The following NCAM2 variants were observed in gnomAD, a reference collection of about 807,000 sequenced individuals.
NCAM2 encodes the protein neural cell adhesion molecule 2.
In NCAM2, 30 loss-of-function variants were observed where a neutral mutation model predicts 98.1. That is an observed-to-expected ratio of 0.31 (90% CI 0.23 to 0.41). NCAM2 has a LOEUF of 0.41. Among genes scored for constraint, NCAM2 ranks in the 10% least tolerant of loss-of-function variants. The pLI, the probability that NCAM2 is intolerant of heterozygous loss-of-function variation, is 1.00. For synonymous variants in NCAM2, 368 were observed against 342.4 expected, an observed-to-expected ratio of 1.07 and a Z score of -0.83; for missense variants, 867 against 1,005.8, an observed-to-expected ratio of 0.86 and a Z score of 1.87.
intron 1 of NCAM2, among the ~76,000 whole-genome samples, chr21:21,160,202 A>T (rs1385383805): frequency 1.3e-5 from 2 of 152,096 alleles, no homozygotes; most frequent in African/African-American, 4.8e-5. Context: ...TGTGGACATC[A>T]TGTGGACAAA....
chr21:21,492,865 A>G (rs1040132659), intron 15 of NCAM2, among the ~76,000 whole-genome samples: 7 of 151,964 alleles, frequency 4.6e-5, no homozygotes, highest in Admixed American at 1.3e-4. Flanking sequence ...TAAAAAATAA[A>G]TTATCTTCAA....
At chr21:21,358,548 C>T (rs186522287) in intron 8 of NCAM2, among the ~76,000 whole-genome samples, 97 of 152,028 alleles carry the variant, frequency 6.4e-4, no homozygotes, top group African/African-American at 2.2e-3. Flanking sequence ...AAAATTATTA[C>T]GGTTTTGATA....
intron 1 of NCAM2, among the ~76,000 whole-genome samples, chr21:21,192,115 C>T (rs1486147584): frequency 1.3e-5 from 2 of 151,992 alleles, no homozygotes; most frequent in East Asian, 1.9e-4. Flanking sequence ...CCCAGCTACC[C>T]GGTAGGCTGA....
intron 1 of NCAM2, among the ~76,000 whole-genome samples, chr21:21,160,182 A>G (rs2146772782): frequency 6.6e-6 from 1 of 152,202 alleles, no homozygotes; most frequent in South Asian, 2.1e-4. Context: ...CAGTATAAAT[A>G]TTTTCAGCGT....
intron 15 of NCAM2, among the ~76,000 whole-genome samples, chr21:21,496,057 A>T (rs1987212194): frequency 6.7e-6 from 1 of 150,126 alleles, no homozygotes. Context: ...CCTTTAACAA[A>T]GTACAGCACA....
At chr21:21,038,781 C>T (rs1222364353) in intron 1 of NCAM2, among the ~76,000 whole-genome samples, 1 of 152,134 alleles carries the variant, frequency 6.6e-6, no homozygotes, top group African/African-American at 2.4e-5. Context: ...TTCATCAAAT[C>T]CCATTTGACT....
intron 1 of NCAM2, among the ~76,000 whole-genome samples, chr21:21,031,771 C>T (rs1347922496): frequency 2.0e-5 from 3 of 150,598 alleles, no homozygotes; most frequent in Non-Finnish European, 4.4e-5. Flanking sequence ...TTGTCTCTCT[C>T]GATATATCTC....
chr21:21,164,283 A>G (rs992011284), intron 1 of NCAM2, among the ~76,000 whole-genome samples: 2 of 152,206 alleles, frequency 1.3e-5, no homozygotes, highest in African/African-American at 4.8e-5. Context: ...TATCTTGAAA[A>G]TAGAGTATTA....
chr21:21,012,166 C>A lies in NCAM2; in HGVS notation c.55+13548C>A, dbSNP rs142301893. Among the ~76,000 whole-genome samples, 723 of 152,194 alleles carry A rather than the reference C, an allele frequency of 4.8e-3. 4 individuals carry two copies. Among genetic ancestry groups the A allele is most frequent in the South Asian group, 0.011 (52 of 4,828 alleles). ...ACTGCCAGTTGGTAAACGAGTAACT[C>A]TTTTAGAGACTTAAAATATTAATAA... On this transcript the variant is annotated intron_variant, in intron 1 of 17. Coordinates refer to ENST00000400546, the MANE Select transcript of NCAM2 (RefSeq NM_004540.5).
At chr21:21,156,467 G>GA (rs1286452996) in intron 1 of NCAM2, among the ~76,000 whole-genome samples, 2 of 151,624 alleles carry the variant, frequency 1.3e-5, no homozygotes, top group African/African-American at 4.8e-5. Flanking sequence ...TACCTAGTCA[G>GA]AAAAAAAATA....
At chr21:21,081,821 A>T (rs564439947) in intron 1 of NCAM2, among the ~76,000 whole-genome samples, 9 of 151,244 alleles carry the variant, frequency 6.0e-5, no homozygotes, top group African/African-American at 9.8e-5. Context: ...AAAAAAAAAG[A>T]AAAAAAAATT....
intron 1 of NCAM2, among the ~76,000 whole-genome samples, chr21:21,256,834 C>T (rs571280403): frequency 3.9e-5 from 6 of 152,146 alleles, no homozygotes; most frequent in Non-Finnish European, 5.9e-5. Flanking sequence ...TTCATATACG[C>T]TGGAAATCCA....
intron 12 of NCAM2, among the ~76,000 whole-genome samples, chr21:21,453,757 A>G (rs2146149691): frequency 6.6e-6 from 1 of 152,202 alleles, no homozygotes; most frequent in Non-Finnish European, 1.5e-5. Flanking sequence ...ACATTAAACA[A>G]ATGATTCTTT....
At chr21:21,139,439 C>T (rs2067123112) in intron 1 of NCAM2, among the ~76,000 whole-genome samples, 1 of 152,180 alleles carries the variant, frequency 6.6e-6, no homozygotes, top group African/African-American at 2.4e-5. Context: ...GTCTCTAGTT[C>T]TTGGCATCTG....
At chr21:21,193,110 G>GT (rs2068879677) in intron 1 of NCAM2, among the ~76,000 whole-genome samples, 1 of 152,062 alleles carries the variant, frequency 6.6e-6, no homozygotes, top group African/African-American at 2.4e-5. Context: ...ATTATTCAAG[G>GT]TAACTATCCC....
rs748594575 is a variant in NCAM2, at chr21:21,331,509, C to CTATATATATA, written c.738-3995_738-3994insATATATATAT. On this transcript the variant is annotated intron_variant, in intron 6 of 17. Transcript: ENST00000400546. ...CTGGTTAGTATATATACTCTATACT[C>CTATATATATA]TCTCTCTCTATATATATATATATAT... Among the ~76,000 whole-genome samples, 44 of 5,022 alleles carry CTATATATATA rather than the reference C, an allele frequency of 8.8e-3. 11 individuals are homozygous for CTATATATATA. Among genetic ancestry groups the CTATATATATA allele is most frequent in the Middle Eastern group, 0.1 (1 of 10 alleles). The allele number at this position is 5,022 out of a possible 152,430, so 3.3% of individuals were successfully genotyped here. A position where few individuals can be genotyped will look rare whatever the true frequency, so the allele number is the denominator to read the frequency against.
intron 8 of NCAM2, among the ~76,000 whole-genome samples, chr21:21,371,986 T>C (rs2075927659): frequency 6.6e-6 from 1 of 151,724 alleles, no homozygotes; most frequent in Admixed American, 6.6e-5. Context: ...AAGTGTTCCA[T>C]GACACAGTAG....
At chr21:21,023,358 T>C (rs1456050256) in intron 1 of NCAM2, among the ~76,000 whole-genome samples, 1 of 152,054 alleles carries the variant, frequency 6.6e-6, no homozygotes, top group Non-Finnish European at 1.5e-5. Context: ...ATCCCGTCTC[T>C]ACTAAAAGTG....
chr21:21,297,312 C>T (rs2073522865), intron 5 of NCAM2, among the ~76,000 whole-genome samples: 1 of 151,622 alleles, frequency 6.6e-6, no homozygotes, highest in South Asian at 2.1e-4. Flanking sequence ...GCTGGTTGCC[C>T]TCACCGAACA....
Sources: gnomAD v4.1 joint callset for allele counts (sites outside exome capture counted in the v4.1 genomes callset) on GRCh38, gnomAD v4.1.1 for gene constraint, MANE v1.5 for transcripts, NCBI Gene and HGNC (gene_info 2026-07-23, HGNC 2026-07-21) for gene names.